FMN2: variants seen among roughly 807,000 people sequenced by gnomAD.
FMN2 encodes formin 2, also known as formin-2.
FMN2 carries 51 observed loss-of-function variants against 142.3 expected under a neutral mutation model. The observed-to-expected ratio is 0.36, with a 90% CI of 0.29 to 0.45. FMN2 has a LOEUF of 0.45. Ranked by LOEUF, FMN2 falls within the 20% of genes least tolerant of loss-of-function variation. The pLI is 1.00. For synonymous variants in FMN2, 882 were observed against 869.8 expected, an observed-to-expected ratio of 1.01 and a Z score of -0.25; for missense variants, 1,936 against 2,122.8, an observed-to-expected ratio of 0.91 and a Z score of 1.73.
At chr1:240,347,854 G>T (rs569476137) in intron 13 of FMN2, among the ~76,000 whole-genome samples, 2 of 152,248 alleles carry the variant, frequency 1.3e-5, no homozygotes, top group Non-Finnish European at 1.5e-5. Flanking sequence ...CATCCATGTT[G>T]TTGCAAAGGA....
Position 240,205,525 on chromosome 1 carries a change from A to G in FMN2, c.1987-1274A>G, listed in dbSNP as rs139810593. ...CACCCAGGCTGGAGTGCAGTGGCGC[A>G]ATCTCAGCTCACTGCAAGCTCCGCC... On this transcript the variant is annotated intron_variant, in intron 4 of 17. Transcript: ENST00000319653. Among the ~76,000 whole-genome samples the G allele has an allele frequency of 8.8e-3, 1,246 of 141,630 alleles. 18 individuals are homozygous for G. The highest frequency in any genetic ancestry group is 0.032 in the African/African-American group (1,181 of 36,986). The allele number at this position is 141,630 out of a possible 152,430, so 92.9% of individuals were successfully genotyped here. A position where few individuals can be genotyped will look rare whatever the true frequency, so the allele number is the denominator to read the frequency against.
chr1:240,433,180 T>C (rs1305395650), intron 15 of FMN2, among the ~76,000 whole-genome samples: 1 of 152,222 alleles, frequency 6.6e-6, no homozygotes, highest in Non-Finnish European at 1.5e-5. Flanking sequence ...GTCTTCTTGA[T>C]AATGTGGATG....
rs1024123800 is a variant in FMN2, at chr1:240,170,974, A to G, written c.1783-6947A>G. On this transcript the variant is annotated intron_variant, in intron 2 of 17. Transcript: ENST00000319653. The stretch of plus-strand genomic sequence containing the variant: ...AGGAGTGGACTACTCCTTTGAATGT[A>G]TTAGGAATGTCAAGGTCGTGAGAGC... The G allele has an allele frequency of 1.4e-5, 11 of 794,264 alleles. No individual in the cohort carries two copies. In the African/African-American group the frequency reaches 1.9e-4, roughly 13 times the overall value. The allele number at this position is 794,264 out of a possible 1,614,324, so 49.2% of individuals were successfully genotyped here.
At chr1:240,413,633 C>T (rs1674487236) in intron 15 of FMN2, among the ~76,000 whole-genome samples, 2 of 152,164 alleles carry the variant, frequency 1.3e-5, no homozygotes, top group Non-Finnish European at 2.9e-5. Flanking sequence ...CATTGTCAGG[C>T]TGGACCAGAG....
Position 240,093,517 on chromosome 1 carries a change from C to T in FMN2, c.1408C>T (p.Arg470Trp), listed in dbSNP as rs997168836. 7.1e-5 allele frequency: 113 copies of T among 1,589,524 alleles called. No individual in the cohort carries two copies. The highest frequency in any genetic ancestry group is 8.5e-5 in the Non-Finnish European group (99 of 1,170,454). ...ASVAAPAKKH[R>W]ADGGLAAGLS... ...CGTAGCCGCCCCGGCCAAGAAGCAC[C>T]GGGCCGACGGCGGCCTTGCGGCCGG... Residue 470 changes from arginine to tryptophan, a missense_variant, in exon 1 of 18, where the codon CGG becomes TGG. Transcript: ENST00000319653.
chr1:240,371,783 T>G (rs1408441803), intron 14 of FMN2, among the ~76,000 whole-genome samples: 2 of 152,186 alleles, frequency 1.3e-5, no homozygotes, highest in African/African-American at 2.4e-5. Context: ...GAGTTGAGTG[T>G]GTTTGTTGTA....
At chr1:240,286,143 C>G (rs780952994) in intron 7 of FMN2, among the ~76,000 whole-genome samples, 37 of 151,960 alleles carry the variant, frequency 2.4e-4, no homozygotes, top group Non-Finnish European at 4.9e-4. Context: ...TGGAGACTTC[C>G]CATTTCTGGC....
At chr1:240,365,705 A>G (rs1274384201) in intron 14 of FMN2, among the ~76,000 whole-genome samples, 1 of 152,156 alleles carries the variant, frequency 6.6e-6, no homozygotes, top group Admixed American at 6.5e-5. Flanking sequence ...CTGTGGTCAT[A>G]TTCTTGTCAA....
chr1:240,436,560 C>G (rs530681178), intron 15 of FMN2, among the ~76,000 whole-genome samples: 1 of 151,908 alleles, frequency 6.6e-6, no homozygotes, highest in South Asian at 2.1e-4. Context: ...ACCTGTAATC[C>G]CAGCTATTTG....
intron 15 of FMN2, among the ~76,000 whole-genome samples, chr1:240,403,895 C>G (rs892123643): frequency 3.3e-5 from 5 of 152,148 alleles, no homozygotes; most frequent in African/African-American, 4.8e-5. Flanking sequence ...AATAGCAAGG[C>G]AATTGGAAAC....
chr1:240,191,889 G>A (rs1665713667), intron 4 of FMN2, among the ~76,000 whole-genome samples: 1 of 152,138 alleles, frequency 6.6e-6, no homozygotes, highest in Non-Finnish European at 1.5e-5. Flanking sequence ...GGTAAGAATT[G>A]AAAATAACAG....
At chr1:240,278,173 G>T (rs536270942) in intron 7 of FMN2, among the ~76,000 whole-genome samples, 1 of 152,210 alleles carries the variant, frequency 6.6e-6, no homozygotes, top group South Asian at 2.1e-4. Context: ...ATATAAACAG[G>T]CATTTGGGGC....
At chr1:240,323,395 C>G (rs1671048801) in intron 8 of FMN2, among the ~76,000 whole-genome samples, 1 of 152,112 alleles carries the variant, frequency 6.6e-6, no homozygotes, top group Non-Finnish European at 1.5e-5. Context: ...AGGGTTTCGC[C>G]ATGTTGGCCA....
chr1:240,245,998 G>A (rs1374449087), intron 6 of FMN2, among the ~76,000 whole-genome samples: 13 of 152,032 alleles, frequency 8.6e-5, no homozygotes, highest in Non-Finnish European at 1.8e-4. Flanking sequence ...GGCTAACATG[G>A]TGAAACCCTG....
chr1:240,449,801 CAAAT>C (rs1347451752), intron 16 of FMN2, among the ~76,000 whole-genome samples: 2 of 152,000 alleles, frequency 1.3e-5, no homozygotes, highest in South Asian at 2.1e-4. Context: ...GCTTAATTGA[CAAAT>C]AAAAATTATA....
intron 13 of FMN2, among the ~76,000 whole-genome samples, chr1:240,351,932 G>C (rs1362722938): frequency 6.6e-6 from 1 of 151,798 alleles, no homozygotes; most frequent in Non-Finnish European, 1.5e-5. Flanking sequence ...TCATGGATGT[G>C]TATGATGTCA....
At chr1:240,193,443 T>C (rs923877574) in intron 4 of FMN2, among the ~76,000 whole-genome samples, 5 of 152,248 alleles carry the variant, frequency 3.3e-5, no homozygotes, top group African/African-American at 9.6e-5. Flanking sequence ...GTGAAGGTTG[T>C]TGAGAGACTA....
chr1:240,406,826 GA>G (rs1674222308), intron 15 of FMN2, among the ~76,000 whole-genome samples: 1 of 152,148 alleles, frequency 6.6e-6, no homozygotes, highest in Non-Finnish European at 1.5e-5. Context: ...TGTAAGGAAG[GA>G]AAATGGAACA....
In FMN2 at chr1:240,468,206, A is replaced by ATGTGTGTGTGTGTG. The variant is rs199866888; in HGVS notation, c.5061-4152_5061-4139dup. ...AATGCATCCACTAAAATATATATAT[A>ATGTGTGTGTGTGTG]TGTGTGTGTGTGTGTGTGTGTGTGT... is the stretch of plus-strand genomic sequence containing the variant. On this transcript the variant is annotated intron_variant, in intron 16 of 17. Coordinates refer to ENST00000319653, the MANE Select transcript of FMN2 (RefSeq NM_020066.5). Among the ~76,000 whole-genome samples the ATGTGTGTGTGTGTG allele has an allele frequency of 9.1e-4, 135 of 147,966 alleles. 2 individuals carry two copies. Among genetic ancestry groups the ATGTGTGTGTGTGTG allele is most frequent in the Middle Eastern group, 7.0e-3 (2 of 284 alleles).
Sources: allele counts gnomAD v4.1 joint callset (sites outside exome capture counted in the v4.1 genomes callset), GRCh38; gene constraint gnomAD v4.1.1; transcripts MANE v1.5; gene names NCBI Gene and HGNC (gene_info 2026-07-23, HGNC 2026-07-21).